The following CLCN3 variants were observed in gnomAD, a reference collection of about 807,000 sequenced individuals.
CLCN3 encodes the protein Cl-/H+ antiporter 3, also known as H(+)/Cl(-) exchange transporter 3.
In CLCN3, 16 loss-of-function variants were observed where a neutral mutation model predicts 83.4. The ratio of observed to expected loss-of-function variants is 0.19; its 90% CI spans 0.13 to 0.29. CLCN3 has a LOEUF of 0.29. Among genes scored for constraint, CLCN3 ranks in the 10% least tolerant of loss-of-function variants. The pLI, the probability that CLCN3 is intolerant of heterozygous loss-of-function variation, is 1.00. For missense variants in CLCN3, 544 were observed against 1,006.0 expected, an observed-to-expected ratio of 0.54 and a Z score of 6.21; for synonymous variants, 322 against 346.2, an observed-to-expected ratio of 0.93 and a Z score of 0.78.
chr4:169,627,057 C>A (rs560452102), intron 1 of CLCN3, among the ~76,000 whole-genome samples: 52 of 152,260 alleles, frequency 3.4e-4, no homozygotes, highest in African/African-American at 1.3e-3. Flanking sequence ...TACTAAAATT[C>A]ATGTCTGATC....
Position 169,689,078 on chromosome 4 carries a change from T to A in CLCN3, c.454T>A (p.Trp152Arg). 1 of 1,613,280 alleles carries A rather than the reference T, an allele frequency of 6.2e-7. No individual in the cohort carries two copies. The highest frequency in any genetic ancestry group is 8.5e-7 in the Non-Finnish European group (1 of 1,179,750). Reference sequence around the variant, plus strand: ...CGGATTAATAGACATTGCTGCCGATTGGATGACTGACCTAAAGGAGGGCAT... The same window carrying A: ...CGGATTAATAGACATTGCTGCCGATAGGATGACTGACCTAAAGGAGGGCAT... ...LAGLIDIAAD[W>R]MTDLKEGICL... Residue 152 changes from tryptophan to arginine, a missense_variant, in exon 5 of 13, where the codon TGG (tryptophan) becomes AGG (arginine). Transcript: ENST00000513761.
intron 3 of CLCN3, among the ~76,000 whole-genome samples, chr4:169,680,952 G>A (rs532359997): frequency 1.3e-5 from 2 of 152,292 alleles, no homozygotes; most frequent in East Asian, 1.9e-4. Flanking sequence ...GGATTCAAGC[G>A]ATGCTCCTGC....
chr4:169,708,406 C>T (rs191121819), intron 11 of CLCN3, among the ~76,000 whole-genome samples: 204 of 152,258 alleles, frequency 1.3e-3, no homozygotes, highest in Non-Finnish European at 1.2e-3. Flanking sequence ...GCCTAGCATT[C>T]CCATCATTCT....
intron 3 of CLCN3, among the ~76,000 whole-genome samples, chr4:169,681,008 C>T (rs1415340816): frequency 4.6e-5 from 7 of 152,084 alleles, no homozygotes; most frequent in Admixed American, 3.9e-4. Flanking sequence ...GCCACCATGC[C>T]TGGCTAGTTT....
At chr4:169,702,040 T>C (rs1732802960) in intron 9 of CLCN3, among the ~76,000 whole-genome samples, 1 of 152,216 alleles carries the variant, frequency 6.6e-6, no homozygotes, top group Non-Finnish European at 1.5e-5. Context: ...TAAATGTGCA[T>C]GCTTGAGCCC....
intron 2 of CLCN3, among the ~76,000 whole-genome samples, chr4:169,678,906 C>T (rs778323731): frequency 1.3e-5 from 2 of 152,252 alleles, no homozygotes; most frequent in African/African-American, 2.4e-5. Context: ...CACCATGGCC[C>T]GTTCTCAATG....
intron 6 of CLCN3, 73 bp downstream of exon 6, chr4:169,690,725 A>G: frequency 6.9e-7 from 1 of 1,459,206 alleles, no homozygotes; most frequent in Non-Finnish European, 9.2e-7. Context: ...TGATAATAAA[A>G]GTTGGCTTTT....
Position 169,697,471 on chromosome 4 carries a change from G to T in CLCN3, c.1300G>T (p.Val434Phe), listed in dbSNP as rs202171550. The change falls in exon 9 of 13, where the codon GTT becomes TTT. Residue 434 changes from valine to phenylalanine, a missense_variant. Transcript: ENST00000513761. ...GKYPVLEVII[V>F]AAITAVIAFP... ...GTATCCCGTTCTGGAAGTCATTATTGTTGCAGCCATTACTGCTGTGATAGC... is the reference window on the plus strand; with the variant it reads ...GTATCCCGTTCTGGAAGTCATTATTTTTGCAGCCATTACTGCTGTGATAGC... 1.5e-5 allele frequency: 24 copies of T among 1,614,208 alleles called. No homozygotes were observed. The highest frequency in any genetic ancestry group is 2.0e-5 in the Non-Finnish European group (24 of 1,180,042).
intron 2 of CLCN3, among the ~76,000 whole-genome samples, chr4:169,653,073 G>A (rs1299072303): frequency 6.6e-6 from 1 of 152,092 alleles, no homozygotes; most frequent in Non-Finnish European, 1.5e-5. Flanking sequence ...ATTCTTAGTT[G>A]TAATGTGGTC....
At chr4:169,717,265 A>G (rs149287207) in intron 12 of CLCN3, among the ~76,000 whole-genome samples, 5,070 of 152,282 alleles carry the variant, frequency 0.033, 118 homozygotes, top group South Asian at 0.088. Context: ...AGCATTATTT[A>G]TTTAGTGCAC....
rs953561825 is a variant in CLCN3, at chr4:169,695,031, A to T, written c.937-581A>T. Among the ~76,000 whole-genome samples, 10 of 152,064 alleles carry T rather than the reference A, an allele frequency of 6.6e-5. No homozygotes were observed. In the South Asian group the frequency reaches 1.9e-3, roughly 28 times the overall value. Reference sequence around the variant, plus strand: ...TTCTTTTCCTTTAATTTTTTTGTAGAGGTGTTGGTTGGTGAGACTGTAACT... The same window carrying T: ...TTCTTTTCCTTTAATTTTTTTGTAGTGGTGTTGGTTGGTGAGACTGTAACT... On this transcript the variant is annotated intron_variant, in intron 7 of 12. Transcript: ENST00000513761.
At chr4:169,657,497 A>T (rs887378041) in intron 2 of CLCN3, among the ~76,000 whole-genome samples, 1 of 152,110 alleles carries the variant, frequency 6.6e-6, no homozygotes, top group African/African-American at 2.4e-5. Flanking sequence ...ATTTATTTTT[A>T]TTGTTTTAAA....
At chr4:169,652,281 A>G (rs1730752630) in intron 2 of CLCN3, among the ~76,000 whole-genome samples, 1 of 152,276 alleles carries the variant, frequency 6.6e-6, no homozygotes, top group South Asian at 2.1e-4. Flanking sequence ...TCATCTAGGT[A>G]TGCATCCTTA....
intron 2 of CLCN3, among the ~76,000 whole-genome samples, chr4:169,665,080 T>G (rs1465190676): frequency 6.6e-6 from 1 of 152,234 alleles, no homozygotes; most frequent in African/African-American, 2.4e-5. Flanking sequence ...ATATGAAATT[T>G]AGCAAATTTT....
chr4:169,660,077 A>T, intron 2 of CLCN3: 1 of 1,029,568 alleles, frequency 9.7e-7, no homozygotes. Context: ...TGTGTGTTGT[A>T]CTTGGAGCTT....
Position 169,720,107 on chromosome 4 carries a change from A to G in CLCN3, c.*110A>G. The G allele has an allele frequency of 1.3e-6, 2 of 1,516,278 alleles. No individual in the cohort carries two copies. The highest frequency in any genetic ancestry group is 1.8e-6 in the Non-Finnish European group (2 of 1,126,192). 93.9% of individuals were successfully genotyped at this position (1,516,278 alleles called of 1,614,324 possible). Reference sequence around the variant, plus strand: ...ACTTTTTTTTCCTCCTTTACAAAAAAAGAAAGGAAATATAAAAGCCGGGTT... The same window carrying G: ...ACTTTTTTTTCCTCCTTTACAAAAAGAGAAAGGAAATATAAAAGCCGGGTT... On this transcript the variant is annotated 3_prime_UTR_variant, in exon 13 of 13. Transcript: ENST00000513761.
intron 2 of CLCN3, among the ~76,000 whole-genome samples, chr4:169,669,759 G>T (rs748478060): frequency 6.6e-6 from 1 of 152,084 alleles, no homozygotes; most frequent in Non-Finnish European, 1.5e-5. Flanking sequence ...TCCTCATATA[G>T]TTAGGTAAAG....
At chr4:169,717,977 C>G (rs1733489122) in intron 12 of CLCN3, 2 of 597,730 alleles carry the variant, frequency 3.3e-6, no homozygotes, top group Non-Finnish European at 3.0e-6. Context: ...ACAAAAATAT[C>G]CTACTATGCT....
chr4:169,706,775 C>T, intron 10 of CLCN3, 93 bp from the exon 11 acceptor site: 3 of 985,038 alleles, frequency 3.0e-6, no homozygotes, highest in South Asian at 1.6e-5. Flanking sequence ...TTCTATTTGC[C>T]ATTTAGTTTT....
Sources: allele counts gnomAD v4.1 joint callset (sites outside exome capture counted in the v4.1 genomes callset), GRCh38; gene constraint gnomAD v4.1.1; transcripts MANE v1.5; gene names NCBI Gene and HGNC (gene_info 2026-07-23, HGNC 2026-07-21).